The following STX7 variants were observed in gnomAD, a reference collection of about 807,000 sequenced individuals.
The protein encoded by STX7 is syntaxin-7.
A neutral mutation model predicts 39.6 loss-of-function variants in STX7; 34 were observed. That is an observed-to-expected ratio of 0.86 (90% CI 0.65 to 1.14). STX7 has a LOEUF of 1.14. STX7 is among the 50% of genes most tolerant of loss of function. The probability of loss-of-function intolerance (pLI) is 0.00; values close to 1 mark genes in which losing one functional copy is unlikely to be tolerated. For missense variants in STX7, 284 were observed against 310.4 expected (o/e 0.92, Z 0.64); for synonymous variants, 119 against 99.1 (o/e 1.20, Z -1.19).
chr6:132,506,619 GA>G (rs1312921527), intron 1 of STX7, among the ~76,000 whole-genome samples: 1 of 151,856 alleles, frequency 6.6e-6, no homozygotes, highest in African/African-American at 2.4e-5. Context: ...GGAAAAAAAA[GA>G]AAAAAAGTCA....
intron 2 of STX7, among the ~76,000 whole-genome samples, chr6:132,497,117 T>C (rs1249040579): frequency 6.6e-6 from 1 of 151,904 alleles, no homozygotes; most frequent in East Asian, 1.9e-4. Flanking sequence ...AAAGAACATA[T>C]AAGAATGTTC....
intron 7 of STX7, among the ~76,000 whole-genome samples, chr6:132,469,215 G>T (rs977628606): frequency 2.0e-5 from 3 of 152,090 alleles, no homozygotes; most frequent in African/African-American, 7.2e-5. Flanking sequence ...AAATCCTTTA[G>T]ATCTCTTTGA....
At chr6:132,466,876 T>C (rs777909096) in intron 8 of STX7, among the ~76,000 whole-genome samples, 1 of 152,192 alleles carries the variant, frequency 6.6e-6, no homozygotes, top group Non-Finnish European at 1.5e-5. Flanking sequence ...GCTAAAACCT[T>C]AGCATCACCC....
At chr6:132,512,885 G>A (rs548407330) in intron 1 of STX7, 122 bp downstream of exon 1, 13 of 152,260 alleles carry the variant, frequency 8.5e-5, no homozygotes, top group Admixed American at 8.5e-4. Context: ...CCGAGTGCCT[G>A]CTGCAGAGCG....
intron 5 of STX7, 137 bp from the exon 6 acceptor site, chr6:132,470,763 A>G: frequency 4.7e-6 from 2 of 421,164 alleles, no homozygotes; most frequent in Non-Finnish European, 8.5e-6. Flanking sequence ...GTGTGTGTGT[A>G]GAGACAGAGA....
intron 3 of STX7, among the ~76,000 whole-genome samples, chr6:132,473,821 G>C (rs1774800573): frequency 6.6e-6 from 1 of 152,048 alleles, no homozygotes; most frequent in Non-Finnish European, 1.5e-5. Context: ...ATAGGGATCT[G>C]TATTTGACTG....
At chr6:132,507,187 T>C (rs1341140104) in intron 1 of STX7, among the ~76,000 whole-genome samples, 1 of 152,188 alleles carries the variant, frequency 6.6e-6, no homozygotes, top group Non-Finnish European at 1.5e-5. Flanking sequence ...ACTTAATGCG[T>C]ACAATGTACA....
intron 8 of STX7, among the ~76,000 whole-genome samples, chr6:132,466,783 T>G (rs149329502): frequency 6.6e-6 from 1 of 152,164 alleles, no homozygotes; most frequent in South Asian, 2.1e-4. Flanking sequence ...TCAAAAATGA[T>G]TGATTTATAC....
intron 3 of STX7, 76 bp downstream of exon 3, chr6:132,475,517 T>C (rs1480006894): frequency 2.0e-6 from 2 of 1,007,730 alleles, no homozygotes. Flanking sequence ...CATAATATAC[T>C]ACATACTGTA....
chr6:132,498,711 T>C (rs756937778), intron 2 of STX7, among the ~76,000 whole-genome samples: 4 of 152,190 alleles, frequency 2.6e-5, no homozygotes, highest in Admixed American at 2.0e-4. Flanking sequence ...CCAGTATTAT[T>C]AGCATTACCA....
chr6:132,508,462 C>T (rs118178022), intron 1 of STX7, among the ~76,000 whole-genome samples: 100 of 152,290 alleles, frequency 6.6e-4, no homozygotes, highest in African/African-American at 1.7e-3. Flanking sequence ...CTTCATTCAC[C>T]CAAAGAGGTG....
rs1164529603 is a variant in STX7, at chr6:132,460,560, C to T, written c.*198G>A. The T allele has an allele frequency of 5.0e-5, 21 of 417,006 alleles. No homozygotes were observed. Among genetic ancestry groups the T allele is most frequent in the Non-Finnish European group, 8.0e-5 (19 of 237,124 alleles). 25.8% of individuals were successfully genotyped at this position (417,006 alleles called of 1,614,324 possible). A position where few individuals can be genotyped will look rare whatever the true frequency, so the allele number is the denominator to read the frequency against. On this transcript the variant is annotated 3_prime_UTR_variant, in exon 10 of 10. Transcript: ENST00000367941. Reference sequence around the variant, plus strand: ...ACCAAGGGAGTTATGTCAGCAGTGACATTTAGAAAATCTTTCAGTATTAGA... The same window carrying T: ...ACCAAGGGAGTTATGTCAGCAGTGATATTTAGAAAATCTTTCAGTATTAGA...
intron 7 of STX7, among the ~76,000 whole-genome samples, chr6:132,469,090 T>C: frequency 6.6e-6 from 1 of 152,214 alleles, no homozygotes; most frequent in East Asian, 1.9e-4. Context: ...ACATAAAGAA[T>C]TCATCCCACA....
chr6:132,473,708 CA>C (rs770778509), intron 3 of STX7, among the ~76,000 whole-genome samples: 4 of 151,860 alleles, frequency 2.6e-5, no homozygotes, highest in Non-Finnish European at 4.4e-5. Context: ...TTACAAATCA[CA>C]ACATCAGTAC....
chr6:132,483,411 G>A (rs1441763199), intron 2 of STX7, among the ~76,000 whole-genome samples: 2 of 152,140 alleles, frequency 1.3e-5, no homozygotes, highest in African/African-American at 4.8e-5. Context: ...AGGGCCTACT[G>A]CAGTCACTGC....
At chr6:132,473,722 C>T (rs923500298) in intron 3 of STX7, among the ~76,000 whole-genome samples, 1 of 151,850 alleles carries the variant, frequency 6.6e-6, no homozygotes. Context: ...ATCAGTACCT[C>T]TTATATATTT....
rs1390862458 is a variant in STX7, at chr6:132,471,172, T to A, written c.387+291A>T. 2.0e-5 allele frequency among the ~76,000 whole-genome samples: 3 copies of A among 152,234 alleles called. No individual in the cohort carries two copies. In the East Asian group the frequency reaches 5.8e-4, roughly 29 times the overall value. On this transcript the variant is annotated intron_variant, in intron 5 of 9. Coordinates refer to ENST00000367941, the MANE Select transcript of STX7 (RefSeq NM_003569.3). The stretch of plus-strand genomic sequence containing the variant: ...AGAAAGCCTCAGTACCAAGACGATG[T>A]GAGAATACTACTCAGGATTTGATCC...
chr6:132,470,183 A>C (rs1010247006), intron 6 of STX7, 136 bp from the exon 7 acceptor site: 36 of 561,966 alleles, frequency 6.4e-5, no homozygotes, highest in Non-Finnish European at 1.1e-5. Flanking sequence ...AAAAAATTCT[A>C]AGAATATAAC....
intron 2 of STX7, among the ~76,000 whole-genome samples, chr6:132,499,674 C>T (rs1425084595): frequency 6.6e-6 from 1 of 152,144 alleles, no homozygotes; most frequent in East Asian, 1.9e-4. Flanking sequence ...CTTCATGCTA[C>T]CTTCCTGATT....
Sources: allele counts gnomAD v4.1 joint callset (sites outside exome capture counted in the v4.1 genomes callset), GRCh38; gene constraint gnomAD v4.1.1; transcripts MANE v1.5; gene names NCBI Gene and HGNC (gene_info 2026-07-23, HGNC 2026-07-21).